Variants in AAGAB observed in about 807,000 individuals in gnomAD.
AAGAB encodes the protein alpha- and gamma-adaptin-binding protein p34.
A neutral mutation model predicts 44.1 loss-of-function variants in AAGAB; 38 were observed. The observed-to-expected ratio is 0.86, with a 90% CI of 0.67 to 1.13. AAGAB has a LOEUF of 1.13. AAGAB is among the 50% of genes most tolerant of loss of function. The pLI is 0.00. For synonymous variants in AAGAB, 131 were observed against 131.8 expected (o/e 0.99, Z 0.04); for missense variants, 450 against 373.8 (o/e 1.20, Z -1.68).
intron 8 of AAGAB, 45 bp downstream of exon 8, chr15:67,203,999 C>T (rs776392886): frequency 8.4e-7 from 1 of 1,188,992 alleles, no homozygotes; most frequent in African/African-American, 1.5e-5. Context: ...GTAAAACAGA[C>T]AAGCATCAAC....
chr15:67,203,597 T>C lies in AAGAB; in HGVS notation c.821A>G (p.Asp274Gly), dbSNP rs1467674905. The change falls in exon 9 of 10, where the codon GAC (aspartate) becomes GGC (glycine). Residue 274 changes from aspartate to glycine, a missense_variant and splice_region_variant. Physicochemically the swap from Asp to Gly is moderately conservative, Grantham distance 94. Transcript: ENST00000261880. ...RLFSKLKEMKDKAATLPHEQR... is the reference protein window; with the variant it reads ...RLFSKLKEMKGKAATLPHEQR... ...CTCATGAGGAAGCGTCGCAGCCTTG[T>C]CTAGGGGGAAAATATATCTTAAGAA... is the stretch of plus-strand genomic sequence containing the variant. 1 of 1,613,348 alleles carries C rather than the reference T, an allele frequency of 6.2e-7. No individual in the cohort carries two copies. The highest frequency in any genetic ancestry group is 1.1e-5 in the South Asian group (1 of 91,036).
intron 1 of AAGAB, among the ~76,000 whole-genome samples, chr15:67,243,290 A>C (rs1316091634): frequency 6.6e-6 from 1 of 152,184 alleles, no homozygotes; most frequent in Non-Finnish European, 1.5e-5. Flanking sequence ...ATTAAGCAGG[A>C]AACATCAGCC....
chr15:67,203,433 T>G, intron 9 of AAGAB, 115 bp downstream of exon 9: 1 of 881,802 alleles, frequency 1.1e-6, no homozygotes, highest in South Asian at 1.7e-5. Context: ...AAGTTAATAT[T>G]CAATGAAAAG....
At chr15:67,228,538 A>C (rs945251885) in intron 5 of AAGAB, among the ~76,000 whole-genome samples, 1 of 152,270 alleles carries the variant, frequency 6.6e-6, no homozygotes, top group Non-Finnish European at 1.5e-5. Context: ...ACTGTAAATT[A>C]GTTCAGCCAC....
In AAGAB at chr15:67,235,658, C is replaced by T. The variant is rs111691887; in HGVS notation, c.451+321G>A. Among the ~76,000 whole-genome samples the T allele has an allele frequency of 5.7e-3, 863 of 152,162 alleles. 6 individuals carry two copies. The highest frequency in any genetic ancestry group is 0.02 in the African/African-American group (816 of 41,506). On this transcript the variant is annotated intron_variant, in intron 4 of 9. Coordinates refer to ENST00000261880, the MANE Select transcript of AAGAB (RefSeq NM_024666.5). ...TAAGAAACATCAACTTTAACTACTA[C>T]GAAGGTCTAACTCTCCTTCTTCAGC...
At chr15:67,214,704 G>A (rs1256857804) in intron 5 of AAGAB, among the ~76,000 whole-genome samples, 1 of 151,766 alleles carries the variant, frequency 6.6e-6, no homozygotes, top group Non-Finnish European at 1.5e-5. Context: ...GCAGTGGCGC[G>A]ATCTCGGCTC....
intron 3 of AAGAB, among the ~76,000 whole-genome samples, 167 bp from the exon 4 acceptor site, chr15:67,236,235 T>C (rs545605172): frequency 6.6e-6 from 1 of 152,294 alleles, no homozygotes; most frequent in South Asian, 2.1e-4. Flanking sequence ...AAGTATCCAT[T>C]CTTAAAAAAA....
intron 5 of AAGAB, among the ~76,000 whole-genome samples, chr15:67,223,736 G>T (rs761806707): frequency 1.3e-5 from 2 of 152,128 alleles, no homozygotes; most frequent in African/African-American, 2.4e-5. Flanking sequence ...CAGTCCCCTA[G>T]TTTACTCTGA....
chr15:67,231,675 C>T (rs1225622087), intron 5 of AAGAB, 139 bp downstream of exon 5: 8 of 660,720 alleles, frequency 1.2e-5, no homozygotes, highest in South Asian at 3.6e-5. Flanking sequence ...CTACTTTTGG[C>T]GCTTCCTTCA....
Position 67,204,164 on chromosome 15 carries a change from G to GTCACATAATA in AAGAB, c.716-17_716-16insTATTATGTGA. The GTCACATAATA allele has an allele frequency of 6.5e-7, 1 of 1,528,648 alleles. No homozygotes were observed. The highest frequency in any genetic ancestry group is 1.7e-5 in the Admixed American group (1 of 58,758). The allele number at this position is 1,528,648 out of a possible 1,614,324, so 94.7% of individuals were successfully genotyped here. On this transcript the variant is annotated splice_polypyrimidine_tract_variant and intron_variant, in intron 7 of 9. Coordinates refer to ENST00000261880, the MANE Select transcript of AAGAB (RefSeq NM_024666.5). ...AACATGGGATCTGAAATAGGGATTT[G>GTCACATAATA]TCACATTATCTGTCACGTTATTTGC...
rs370777101 is a variant in AAGAB, at chr15:67,231,911, G to A, written c.452-14C>T. ...CTGGGAAGTCATCTAATCAGGGAGG[G>A]GAAATATATATATTTATATGCAACA... On this transcript the variant is annotated splice_polypyrimidine_tract_variant and intron_variant, in intron 4 of 9. Transcript: ENST00000261880. 10 of 1,581,226 alleles carry A rather than the reference G, an allele frequency of 6.3e-6. No individual in the cohort carries two copies. In the African/African-American group the frequency reaches 8.1e-5, roughly 13 times the overall value.
chr15:67,247,647 A>C (rs1427419218), intron 1 of AAGAB, among the ~76,000 whole-genome samples: 1 of 152,162 alleles, frequency 6.6e-6, no homozygotes, highest in Non-Finnish European at 1.5e-5. Context: ...TAATGAAAGG[A>C]CACCTTATAA....
intron 5 of AAGAB, among the ~76,000 whole-genome samples, chr15:67,221,697 G>A (rs1189674822): frequency 6.6e-6 from 1 of 152,164 alleles, no homozygotes; most frequent in Non-Finnish European, 1.5e-5. Context: ...ACCCCCCTGG[G>A]TCTCAGTTGA....
At chr15:67,209,665 A>T (rs556254043) in intron 5 of AAGAB, 121 bp from the exon 6 acceptor site, 9 of 769,728 alleles carry the variant, frequency 1.2e-5, no homozygotes, top group South Asian at 6.9e-5. Context: ...ATATATATAT[A>T]TTTTTGAGAC....
At chr15:67,213,481 A>AAC (rs1485940504) in intron 5 of AAGAB, among the ~76,000 whole-genome samples, 2 of 152,196 alleles carry the variant, frequency 1.3e-5, no homozygotes, top group African/African-American at 4.8e-5. Context: ...ACTTACATGA[A>AAC]ACATTTAGAG....
Position 67,203,028 on chromosome 15 carries a change from A to G in AAGAB, c.871-130T>C, listed in dbSNP as rs78142207. 5.6e-3 allele frequency: 4,245 copies of G among 763,514 alleles called. 131 individuals carry two copies. In the Admixed American group the frequency reaches 0.057, roughly 10 times the overall value. The allele number at this position is 763,514 out of a possible 1,614,324, so 47.3% of individuals were successfully genotyped here. On this transcript the variant is annotated intron_variant, in intron 9 of 9. Transcript: ENST00000261880. ...CTCCAGTCCTCTGGCAACACATATC[A>G]GAACCCTTGAATACCATTTGACCCA... is the stretch of plus-strand genomic sequence containing the variant.
At chr15:67,222,242 G>GCGCGCGCACACA (rs1367738219) in intron 5 of AAGAB, among the ~76,000 whole-genome samples, 38 of 90,120 alleles carry the variant, frequency 4.2e-4, no homozygotes, top group Middle Eastern at 6.5e-3. Flanking sequence ...GCGCGCGCGC[G>GCGCGCGCACACA]CACACACACA....
chr15:67,246,285 G>A (rs1296746914), intron 1 of AAGAB, among the ~76,000 whole-genome samples: 2 of 151,804 alleles, frequency 1.3e-5, no homozygotes, highest in Non-Finnish European at 2.9e-5. Flanking sequence ...CGGTGGGGTC[G>A]GGGGGCTGAG....
chr15:67,222,224 A>ACGCG lies in AAGAB; in HGVS notation c.535+9586_535+9589dup, dbSNP rs1161154655. ...GCAGAACTGATTACTACATGCATGC[A>ACGCG]CGCGCACGCGCGCGCGCGCACACAC... On this transcript the variant is annotated intron_variant, in intron 5 of 9. Transcript: ENST00000261880. 7.1e-5 allele frequency among the ~76,000 whole-genome samples: 8 copies of ACGCG among 111,974 alleles called. No individual in the cohort carries two copies. In the East Asian group the frequency reaches 1.2e-3, roughly 17 times the overall value. The allele number at this position is 111,974 out of a possible 152,430, so 73.5% of individuals were successfully genotyped here. A position where few individuals can be genotyped will look rare whatever the true frequency, so the allele number is the denominator to read the frequency against.
Sources: gnomAD v4.1 joint callset for allele counts (sites outside exome capture counted in the v4.1 genomes callset) on GRCh38, gnomAD v4.1.1 for gene constraint, MANE v1.5 for transcripts, NCBI Gene and HGNC (gene_info 2026-07-23, HGNC 2026-07-21) for gene names.